TNS1: variants seen among roughly 807,000 people sequenced by gnomAD.
The protein encoded by TNS1 is tensin 1.
Under a neutral mutation model 168.6 loss-of-function variants are expected in TNS1, and 62 were observed. The ratio of observed to expected loss-of-function variants is 0.37; its 90% CI spans 0.30 to 0.45. TNS1 has a LOEUF of 0.45. Among genes scored for constraint, TNS1 ranks in the 20% least tolerant of loss-of-function variants. The probability of loss-of-function intolerance (pLI) is 1.00; values close to 1 mark genes in which losing one functional copy is unlikely to be tolerated. For missense variants in TNS1, 2,240 were observed against 2,339.4 expected (o/e 0.96, Z 0.88); for synonymous variants, 934 against 933.2 (o/e 1.00, Z -0.02).
At chr2:217,817,525 C>A (rs13424201) in intron 24 of TNS1, among the ~76,000 whole-genome samples, 165 bp downstream of exon 24, 10,876 of 152,228 alleles carry the variant, frequency 0.071, 430 homozygotes, top group South Asian at 0.11. Context: ...CGTAAGGATA[C>A]CTCCAACTCT....
rs1242773924 is a variant in TNS1, at chr2:217,906,064, A to C, written c.321+271T>G. 2.6e-5 allele frequency among the ~76,000 whole-genome samples: 4 copies of C among 152,076 alleles called. No individual in the cohort carries two copies. In the East Asian group the frequency reaches 7.7e-4, roughly 29 times the overall value. On this transcript the variant is annotated intron_variant, in intron 6 of 32. Coordinates refer to ENST00000682258, the MANE Select transcript of TNS1 (RefSeq NM_001387777.1). ...TTCCCCTTGATCCCCATGGCCACTC[A>C]TCACACACCCTCTCTCCTCCCACCC...
chr2:218,004,318 G>A (rs1958629861), upstream of TNS1, among the ~76,000 whole-genome samples: 1 of 152,156 alleles, frequency 6.6e-6, no homozygotes, highest in Non-Finnish European at 1.5e-5. Flanking sequence ...TGCACACTGT[G>A]CTATACATGC....
chr2:217,823,540 C>T (rs1209183117), intron 22 of TNS1, among the ~76,000 whole-genome samples: 1 of 152,228 alleles, frequency 6.6e-6, no homozygotes, highest in Non-Finnish European at 1.5e-5. Context: ...GGGTGGCCCT[C>T]AGGTCTGACA....
chr2:217,931,854 T>C (rs1005422481), intron 3 of TNS1, among the ~76,000 whole-genome samples: 1 of 152,214 alleles, frequency 6.6e-6, no homozygotes, highest in Non-Finnish European at 1.5e-5. Context: ...AGAAGTGCCT[T>C]ACATTTTTGA....
chr2:217,904,405 G>T (rs1307348102), intron 6 of TNS1, among the ~76,000 whole-genome samples: 1 of 152,164 alleles, frequency 6.6e-6, no homozygotes, highest in Non-Finnish European at 1.5e-5. Context: ...AGAGTCCCGT[G>T]GCTGGGCAGG....
rs151146292 is a variant in TNS1, at chr2:217,888,086, T to G, written c.867-1440A>C. On this transcript the variant is annotated intron_variant, in intron 12 of 32. Coordinates refer to ENST00000682258, the MANE Select transcript of TNS1 (RefSeq NM_001387777.1). Reference sequence around the variant, plus strand: ...TTTGGGTGGGGCCTCCTCGGACTACTCAAGTAAGATAATCTGATGGGCAGC... The same window carrying G: ...TTTGGGTGGGGCCTCCTCGGACTACGCAAGTAAGATAATCTGATGGGCAGC... 1.1e-4 allele frequency among the ~76,000 whole-genome samples: 17 copies of G among 152,272 alleles called. No homozygotes were observed. In the East Asian group the frequency reaches 1.5e-3, roughly 14 times the overall value.
In TNS1 at chr2:217,830,051, G is replaced by T. The variant is rs557847229; in HGVS notation, c.3373+1404C>A. Reference sequence around the variant, plus strand: ...ACGGAGATGGGAAAGCTGGGGTGAGGCCAGGGCCGATTTGCGCTGTCCACA... The same window carrying T: ...ACGGAGATGGGAAAGCTGGGGTGAGTCCAGGGCCGATTTGCGCTGTCCACA... On this transcript the variant is annotated intron_variant, in intron 22 of 32. Transcript: ENST00000682258. 15 of 933,670 alleles carry T rather than the reference G, an allele frequency of 1.6e-5. No homozygotes were observed. The South Asian group carries it at 6.9e-4, about 43-fold the overall frequency. The allele number at this position is 933,670 out of a possible 1,614,324, so 57.8% of individuals were successfully genotyped here. A position where few individuals can be genotyped will look rare whatever the true frequency, so the allele number is the denominator to read the frequency against.
In TNS1 at chr2:217,803,914, A is replaced by G. The variant is rs1027645419; in HGVS notation, c.*545T>C. 6.5e-6 allele frequency: 1 copy of G among 154,892 alleles called. No homozygotes were observed. Among genetic ancestry groups the G allele is most frequent in the African/African-American group, 2.4e-5 (1 of 41,462 alleles). The allele number at this position is 154,892 out of a possible 1,614,324, so 9.6% of individuals were successfully genotyped here. ...ACAATATAGTGGAGGCACAGCAAAG[A>G]GACCTGAGGTGCCTTGGGTCTGAGA... On this transcript the variant is annotated 3_prime_UTR_variant, in exon 33 of 33. Coordinates refer to ENST00000682258, the MANE Select transcript of TNS1 (RefSeq NM_001387777.1).
At chr2:218,014,423 CCA>C (rs1336295749), upstream of TNS1, among the ~76,000 whole-genome samples, 1 of 152,162 alleles carries the variant, frequency 6.6e-6, no homozygotes, top group African/African-American at 2.4e-5. Context: ...CCCTCAGCAC[CCA>C]CACCAGGGAT....
chr2:217,849,899 T>A (rs1947232376), intron 18 of TNS1: 2 of 985,292 alleles, frequency 2.0e-6, no homozygotes, highest in African/African-American at 3.5e-5. Context: ...AAGGCAGAGC[T>A]GGGACTCTCT....
intron 3 of TNS1, among the ~76,000 whole-genome samples, chr2:217,949,241 A>G (rs2125971898): frequency 6.6e-6 from 1 of 152,322 alleles, no homozygotes; most frequent in Middle Eastern, 3.4e-3. Flanking sequence ...GCCCGGAAAC[A>G]TGTTTCTAGG....
intron 3 of TNS1, among the ~76,000 whole-genome samples, chr2:217,973,018 A>T (rs1957806704): frequency 6.6e-6 from 1 of 152,220 alleles, no homozygotes; most frequent in Admixed American, 6.5e-5. Flanking sequence ...AGCAAAAAGG[A>T]AGAAAAGCTG....
chr2:217,813,360 AC>A lies in TNS1; in HGVS notation c.4862-54del. ...CAGTCCCTGCCCATGGCTTCCTCCCACCACCTCCCAAGACTGCTTCAAAACT... is the reference window on the plus strand; with the variant it reads ...CAGTCCCTGCCCATGGCTTCCTCCCACACCTCCCAAGACTGCTTCAAAACT... On this transcript the variant is annotated intron_variant, in intron 26 of 32. Transcript: ENST00000682258. The surrounding 1 kb of genome is among the most constrained non-coding windows in gnomAD (Gnocchi z 4.0). 7.2e-7 allele frequency: 1 copy of A among 1,389,508 alleles called. No homozygotes were observed. 86.1% of individuals were successfully genotyped at this position (1,389,508 alleles called of 1,614,324 possible).
At chr2:217,993,394 G>A (rs944241059) in intron 1 of TNS1, among the ~76,000 whole-genome samples, 2 of 152,218 alleles carry the variant, frequency 1.3e-5, no homozygotes, top group Non-Finnish European at 2.9e-5. Context: ...AGTGATCAAA[G>A]TTAACATCAC....
intron 3 of TNS1, among the ~76,000 whole-genome samples, chr2:217,942,909 C>T (rs1470088176): frequency 6.6e-6 from 1 of 152,176 alleles, no homozygotes; most frequent in Non-Finnish European, 1.5e-5. Context: ...CACCCCCACC[C>T]AGTTTCCTCT....
intron 3 of TNS1, among the ~76,000 whole-genome samples, chr2:217,966,337 CAA>C (rs1491125883): frequency 2.9e-4 from 43 of 146,872 alleles, no homozygotes; most frequent in African/African-American, 7.4e-4. Flanking sequence ...AAGGAGACAG[CAA>C]GAGAGAGAGA....
At position 217,966,306 on chromosome 2, in the gene TNS1, TGTGC is replaced by T. The variant is rs1250789188; in HGVS notation, c.186+12455_186+12458del. On this transcript the variant is annotated intron_variant, in intron 3 of 32. Coordinates refer to ENST00000682258, the MANE Select transcript of TNS1 (RefSeq NM_001387777.1). ...GTGTGTGTGTGTGTGTGTGTGTGTGTGTGCGCGCGCGCGCGTGTGTAAGGAGACA... is the reference window on the plus strand; with the variant it reads ...GTGTGTGTGTGTGTGTGTGTGTGTGTGCGCGCGCGCGTGTGTAAGGAGACA... 1.3e-3 allele frequency among the ~76,000 whole-genome samples: 175 copies of T among 135,276 alleles called. 1 individual carries two copies. The highest frequency in any genetic ancestry group is 5.4e-3 in the African/African-American group (167 of 31,046). The allele number at this position is 135,276 out of a possible 152,430, so 88.7% of individuals were successfully genotyped here. A position where few individuals can be genotyped will look rare whatever the true frequency, so the allele number is the denominator to read the frequency against.
chr2:217,818,208 C>A lies in TNS1; in HGVS notation c.4124G>T (p.Ser1375Ile), dbSNP rs1176354846. 6.2e-7 allele frequency: 1 copy of A among 1,613,948 alleles called. No individual in the cohort carries two copies. Among genetic ancestry groups the A allele is most frequent in the East Asian group, 2.2e-5 (1 of 44,882 alleles). The change falls in exon 24 of 33, where the codon AGC becomes ATC. Residue 1375 changes from serine to isoleucine, a missense_variant. Physicochemically the swap from Ser to Ile is moderately radical, Grantham distance 142. Around this residue, in one of 2 missense-constraint regions of TNS1, gnomAD observed 2,131 missense variants for 2,171.2 expected, o/e 0.98. Coordinates refer to ENST00000682258, the MANE Select transcript of TNS1 (RefSeq NM_001387777.1). ...GTGAGCCCCAGGGTGCCGGCCCAGG[C>A]TGGGACTCCCCGGGGTGGTGGCCAC... ...NKVATTPGSPSLGRHPGAHQG... is the reference protein window; with the variant it reads ...NKVATTPGSPILGRHPGAHQG...
At chr2:217,845,721 C>T (rs1480595025) in intron 19 of TNS1, among the ~76,000 whole-genome samples, 1 of 152,174 alleles carries the variant, frequency 6.6e-6, no homozygotes, top group Non-Finnish European at 1.5e-5. Flanking sequence ...CCTTCGAAAG[C>T]TGGTAGGAGA....
Sources: gnomAD v4.1 joint callset for allele counts (sites outside exome capture counted in the v4.1 genomes callset) on GRCh38, gnomAD v4.1.1 for gene constraint, gnomAD v4.1.1 regional missense constraint, Gnocchi (gnomAD v3.1) non-coding constraint, MANE v1.5 for transcripts, NCBI Gene and HGNC (gene_info 2026-07-23, HGNC 2026-07-21) for gene names.